The following PCSK2 variants were observed in gnomAD, a reference collection of about 807,000 sequenced individuals.
PCSK2 encodes neuroendocrine convertase 2.
In PCSK2, 14 loss-of-function variants were observed where a neutral mutation model predicts 69.7. The observed-to-expected ratio is 0.20, with a 90% CI of 0.13 to 0.31. The LOEUF is 0.31. Among genes scored for constraint, PCSK2 ranks in the 10% least tolerant of loss-of-function variants. The pLI, the probability that PCSK2 is intolerant of heterozygous loss-of-function variation, is 1.00. For missense variants in PCSK2, 544 were observed against 842.5 expected (o/e 0.65, Z 4.39); for synonymous variants, 307 against 320.7 (o/e 0.96, Z 0.46).
Position 17,453,341 on chromosome 20 carries a change from A to G in PCSK2, c.886-401A>G, listed in dbSNP as rs1043660708. Among the ~76,000 whole-genome samples the G allele has an allele frequency of 7.9e-5, 12 of 152,208 alleles. No individual in the cohort carries two copies. Among genetic ancestry groups the G allele is most frequent in the African/African-American group, 2.9e-4 (12 of 41,446 alleles). ...TTTCACTAAAAAATGTCTGATACAT[A>G]AAGAGATGTAAGAATGAGATAATAA... On this transcript the variant is annotated intron_variant, in intron 8 of 11. Coordinates refer to ENST00000262545, the MANE Select transcript of PCSK2 (RefSeq NM_002594.5). The surrounding 1 kb of genome is among the most constrained non-coding windows in gnomAD (Gnocchi z 4.0).
At chr20:17,231,654 C>A (rs965514304) in intron 1 of PCSK2, among the ~76,000 whole-genome samples, 2 of 152,142 alleles carry the variant, frequency 1.3e-5, no homozygotes, top group African/African-American at 4.8e-5. Context: ...AACTTAGTGG[C>A]CTAAAACCAC....
chr20:17,403,728 T>G (rs1191693382), intron 5 of PCSK2, among the ~76,000 whole-genome samples: 1 of 152,236 alleles, frequency 6.6e-6, no homozygotes, highest in Non-Finnish European at 1.5e-5. Flanking sequence ...TTCCTGTAGC[T>G]GTGGAATTAC....
chr20:17,363,509 T>A (rs1568619067), intron 4 of PCSK2, among the ~76,000 whole-genome samples: 1 of 152,160 alleles, frequency 6.6e-6, no homozygotes, highest in Non-Finnish European at 1.5e-5. Context: ...AATGGAATTG[T>A]TTAGAGTTGG....
chr20:17,335,532 G>T (rs955746051), intron 2 of PCSK2, among the ~76,000 whole-genome samples: 9 of 150,514 alleles, frequency 6.0e-5, no homozygotes, highest in Non-Finnish European at 1.2e-4. Flanking sequence ...GGGGAAACAG[G>T]TGGTGTTTGT....
intron 2 of PCSK2, among the ~76,000 whole-genome samples, chr20:17,315,655 G>T (rs887953429): frequency 2.0e-5 from 3 of 152,248 alleles, no homozygotes; most frequent in African/African-American, 7.2e-5. Context: ...CTGCAGCCAG[G>T]GGCGCGCCCA....
chr20:17,380,807 T>G (rs1440714621), intron 5 of PCSK2, among the ~76,000 whole-genome samples: 1 of 152,220 alleles, frequency 6.6e-6, no homozygotes, highest in Non-Finnish European at 1.5e-5. Flanking sequence ...GAAAGCATTT[T>G]TTAAATGAAA....
intron 1 of PCSK2, among the ~76,000 whole-genome samples, chr20:17,245,481 T>C (rs1600405670): frequency 6.6e-6 from 1 of 152,204 alleles, no homozygotes; most frequent in African/African-American, 2.4e-5. Flanking sequence ...TTCACCCCCT[T>C]TTCTCCTTTA....
intron 4 of PCSK2, among the ~76,000 whole-genome samples, chr20:17,365,543 A>G (rs2030561365): frequency 6.6e-6 from 1 of 152,140 alleles, no homozygotes; most frequent in Non-Finnish European, 1.5e-5. Context: ...CACCAACATC[A>G]AAGTCTAAAG....
rs367655929 is a variant in PCSK2, at chr20:17,378,561, A to G, written c.543+9284A>G. ...AGAGATCATTAAGAGAGACTTCATA[A>G]ATAAAAGACTGAATTATGGATGGAT... On this transcript the variant is annotated intron_variant, in intron 5 of 11. Coordinates refer to ENST00000262545, the MANE Select transcript of PCSK2 (RefSeq NM_002594.5). 4.6e-5 allele frequency among the ~76,000 whole-genome samples: 7 copies of G among 152,074 alleles called. No individual in the cohort carries two copies. The East Asian group carries it at 7.7e-4, about 17-fold the overall frequency.
chr20:17,246,678 G>A lies in PCSK2; in HGVS notation c.178-13562G>A, dbSNP rs372879692. Among the ~76,000 whole-genome samples the A allele has an allele frequency of 9.3e-5, 14 of 151,086 alleles. 1 individual carries two copies. The South Asian group carries it at 1.9e-3, about 21-fold the overall frequency. ...GGGTCCAACGCATTCCATGGGGGAC[G>A]TGGTCCAAAGTGGACCTGAAGAGTG... On this transcript the variant is annotated intron_variant, in intron 1 of 11. Coordinates refer to ENST00000262545, the MANE Select transcript of PCSK2 (RefSeq NM_002594.5).
chr20:17,481,966 C>A lies in PCSK2; in HGVS notation c.1813C>A (p.Arg605=), dbSNP rs759159360. Residue 605 remains arginine (R), a synonymous_variant, in exon 12 of 12, where the codon CGG becomes AGG. Transcript: ENST00000262545. ...QSAPYIDQVV[R]DYQSKLAMSK... is the part of the protein sequence containing the mutation. ...TGCCCCGTACATCGACCAGGTGGTGCGGGATTACCAGTCCAAGTTGGCCAT... is the reference window on the plus strand; with the variant it reads ...TGCCCCGTACATCGACCAGGTGGTGAGGGATTACCAGTCCAAGTTGGCCAT... The A allele has an allele frequency of 1.2e-6, 2 of 1,612,820 alleles. No homozygotes were observed. The highest frequency in any genetic ancestry group is 8.5e-7 in the Non-Finnish European group (1 of 1,179,726).
intron 2 of PCSK2, among the ~76,000 whole-genome samples, chr20:17,309,683 T>C (rs1288143589): frequency 2.0e-5 from 3 of 152,030 alleles, no homozygotes; most frequent in Non-Finnish European, 4.4e-5. Context: ...CCAGGCCTGG[T>C]GGCAGGTGCC....
At chr20:17,262,715 A>G (rs1987438515) in intron 2 of PCSK2, among the ~76,000 whole-genome samples, 1 of 152,210 alleles carries the variant, frequency 6.6e-6, no homozygotes, top group Admixed American at 6.5e-5. Context: ...GAATACCCCA[A>G]TTTGGGGGTT....
intron 2 of PCSK2, among the ~76,000 whole-genome samples, chr20:17,261,717 G>A (rs1054177853): frequency 2.0e-5 from 3 of 152,182 alleles, no homozygotes; most frequent in Admixed American, 1.3e-4. Context: ...TATGGACAGG[G>A]ATCTTGCCCT....
chr20:17,271,596 G>A (rs2123025621), intron 2 of PCSK2, among the ~76,000 whole-genome samples: 1 of 152,040 alleles, frequency 6.6e-6, no homozygotes, highest in South Asian at 2.1e-4. Flanking sequence ...TCTGTGTGAG[G>A]AACACAACAG....
intron 2 of PCSK2, among the ~76,000 whole-genome samples, chr20:17,290,159 A>C (rs1169316239): frequency 6.6e-6 from 1 of 152,176 alleles, no homozygotes; most frequent in Non-Finnish European, 1.5e-5. Flanking sequence ...AATCATTTAT[A>C]GTTTTCTTTG....
intron 1 of PCSK2, among the ~76,000 whole-genome samples, chr20:17,259,879 G>T (rs551152291): frequency 4.7e-4 from 72 of 152,244 alleles, no homozygotes; most frequent in Middle Eastern, 3.4e-3. Flanking sequence ...GGTACCTGGG[G>T]TATGCACACT....
rs115586069 is a variant in PCSK2, at chr20:17,253,833, A to G, written c.178-6407A>G. On this transcript the variant is annotated intron_variant, in intron 1 of 11. Coordinates refer to ENST00000262545, the MANE Select transcript of PCSK2 (RefSeq NM_002594.5). ...CATTTTACTATCCCACCAACAGTGT[A>G]TGAGGGTTCAAATTCCTCCCTATCC... Among the ~76,000 whole-genome samples the G allele has an allele frequency of 8.3e-3, 1,269 of 152,316 alleles. 14 individuals carry two copies. The highest frequency in any genetic ancestry group is 0.028 in the African/African-American group (1,157 of 41,574).
At chr20:17,295,787 C>T (rs1988872651) in intron 2 of PCSK2, among the ~76,000 whole-genome samples, 1 of 151,990 alleles carries the variant, frequency 6.6e-6, no homozygotes, top group African/African-American at 2.4e-5. Flanking sequence ...AACTCTTGGC[C>T]TCAAGTGATC....
Sources: gnomAD v4.1 joint callset for allele counts (sites outside exome capture counted in the v4.1 genomes callset) on GRCh38, gnomAD v4.1.1 for gene constraint, Gnocchi (gnomAD v3.1) non-coding constraint, MANE v1.5 for transcripts, NCBI Gene and HGNC (gene_info 2026-07-23, HGNC 2026-07-21) for gene names.